The following DCAF17 variants were observed in gnomAD, a reference collection of about 807,000 sequenced individuals.
DCAF17 encodes DDB1- and CUL4-associated factor 17.
In DCAF17, 48 loss-of-function variants were observed where a neutral mutation model predicts 66.0. That is an observed-to-expected ratio of 0.73 (90% CI 0.58 to 0.92). The LOEUF is 0.92. Among genes scored for constraint, DCAF17 ranks in the 40% least tolerant of loss-of-function variants. DCAF17 has a pLI of 0.00. For missense variants in DCAF17, 562 were observed against 622.8 expected (o/e 0.90, Z 1.04); for synonymous variants, 206 against 214.6 (o/e 0.96, Z 0.35).
intron 9 of DCAF17, 35 bp from the exon 10 acceptor site, chr2:171,473,831 T>G: frequency 6.5e-7 from 1 of 1,531,128 alleles, no homozygotes; most frequent in Non-Finnish European, 9.0e-7. Flanking sequence ...GATTTTCCCT[T>G]AATCTTTGTC....
intron 8 of DCAF17, among the ~76,000 whole-genome samples, chr2:171,468,645 A>G (rs540385119): frequency 1.3e-5 from 2 of 152,294 alleles, no homozygotes; most frequent in East Asian, 3.9e-4. Context: ...CCTGCGGGCC[A>G]CATATACCTC....
intron 8 of DCAF17, among the ~76,000 whole-genome samples, chr2:171,463,869 G>A (rs1452585128): frequency 6.6e-6 from 1 of 152,150 alleles, no homozygotes; most frequent in Non-Finnish European, 1.5e-5. Context: ...CAAAAGGCAA[G>A]TTAAAGACTT....
chr2:171,447,210 G>A (rs747934448), intron 3 of DCAF17, among the ~76,000 whole-genome samples: 2 of 151,348 alleles, frequency 1.3e-5, no homozygotes, highest in Admixed American at 1.3e-4. Context: ...AAAAACACTA[G>A]CATACAAACA....
chr2:171,473,734 T>G (rs772346331), intron 9 of DCAF17, 132 bp from the exon 10 acceptor site: 40 of 725,320 alleles, frequency 5.5e-5, no homozygotes, highest in Non-Finnish European at 8.8e-5. Flanking sequence ...CCCTCAAATA[T>G]ATTCCACTTT....
rs1444484516 is a variant in DCAF17, at chr2:171,471,305, T to G, written c.981+2275T>G. 2.0e-5 allele frequency among the ~76,000 whole-genome samples: 3 copies of G among 152,204 alleles called. No homozygotes were observed. The East Asian group carries it at 5.8e-4, about 29-fold the overall frequency. Reference sequence around the variant, plus strand: ...TAAAAAAAATGTAAGCAGCCGAACTTAAGATTTCAGAAAATGTTTCATAGC... The same window carrying G: ...TAAAAAAAATGTAAGCAGCCGAACTGAAGATTTCAGAAAATGTTTCATAGC... On this transcript the variant is annotated intron_variant, in intron 9 of 13. Transcript: ENST00000375255.
In DCAF17 at chr2:171,484,082, T is replaced by G; in HGVS notation, c.*2968T>G. ...CATAAATTGACAGAAAATGTAGTTC[T>G]TCATTCAATGGTTAGCAGTCATTAA... On this transcript the variant is annotated 3_prime_UTR_variant, in exon 14 of 14. Coordinates refer to ENST00000375255, the MANE Select transcript of DCAF17 (RefSeq NM_025000.4). 2.2e-6 allele frequency: 1 copy of G among 454,086 alleles called. No homozygotes were observed. The highest frequency in any genetic ancestry group is 4.4e-6 in the Non-Finnish European group (1 of 226,780). The allele number at this position is 454,086 out of a possible 1,614,324, so 28.1% of individuals were successfully genotyped here.
In DCAF17 at chr2:171,458,468, A is replaced by G; in HGVS notation, c.829A>G (p.Lys277Glu). 6.2e-7 allele frequency: 1 copy of G among 1,612,512 alleles called. No homozygotes were observed. The highest frequency in any genetic ancestry group is 8.5e-7 in the Non-Finnish European group (1 of 1,178,582). The change falls in exon 8 of 14, where the codon AAA becomes GAA. Residue 277 changes from lysine (K) to glutamate (E), a missense_variant. Lys to Glu is a moderately conservative substitution (Grantham distance 56). Around this residue, in one of 3 missense-constraint regions of DCAF17, gnomAD observed 348 missense variants for 355.9 expected, o/e 0.98. Coordinates refer to ENST00000375255, the MANE Select transcript of DCAF17 (RefSeq NM_025000.4). Reference protein sequence around the residue: ...EAPFGIPCNIKITDMPPLLFE... With the variant: ...EAPFGIPCNIEITDMPPLLFE... ...TCCTTTTGGCATTCCTTGTAATATT[A>G]AAATCACAGGTATGGCTACTCTATA... is the stretch of plus-strand genomic sequence containing the variant.
At position 171,483,289 on chromosome 2, in the gene DCAF17, C is replaced by T; in HGVS notation, c.*2175C>T. On this transcript the variant is annotated 3_prime_UTR_variant, in exon 14 of 14. Transcript: ENST00000375255. ...TTTAATTCGAGACTCTAGCTACATG[C>T]CCACCTACTTAACAGGTACTAGTGA... 4.4e-6 allele frequency: 2 copies of T among 454,068 alleles called. No homozygotes were observed. Among genetic ancestry groups the T allele is most frequent in the Non-Finnish European group, 8.8e-6 (2 of 226,782 alleles). The allele number at this position is 454,068 out of a possible 1,614,324, so 28.1% of individuals were successfully genotyped here. A position where few individuals can be genotyped will look rare whatever the true frequency, so the allele number is the denominator to read the frequency against.
Position 171,482,362 on chromosome 2 carries a change from A to AT in DCAF17, c.*1258dup, listed in dbSNP as rs745661005. ...GGATGATTTATATTAAAATCTTTCC[A>AT]TTTTTTTTTTCAGTTTTGGCTTGAT... On this transcript the variant is annotated 3_prime_UTR_variant, in exon 14 of 14. Transcript: ENST00000375255. 1.7e-3 allele frequency: 723 copies of AT among 423,346 alleles called. 1 individual carries two copies. Among genetic ancestry groups the AT allele is most frequent in the Middle Eastern group, 2.2e-3 (3 of 1,340 alleles). The allele number at this position is 423,346 out of a possible 1,614,324, so 26.2% of individuals were successfully genotyped here. A position where few individuals can be genotyped will look rare whatever the true frequency, so the allele number is the denominator to read the frequency against.
rs557386554 is a variant in DCAF17 at position 171,464,808 on chromosome 2, TAACTC to T, written c.839-4078_839-4074del. On this transcript the variant is annotated intron_variant, in intron 8 of 13. Coordinates refer to ENST00000375255, the MANE Select transcript of DCAF17 (RefSeq NM_025000.4). ...TTTTTGATTATATTTGTATTTCTCT[TAACTC>T]ATACTGAGCTTCTTGATTTCTAATA... 5.9e-3 allele frequency among the ~76,000 whole-genome samples: 893 copies of T among 152,332 alleles called. 7 individuals carry two copies. The highest frequency in any genetic ancestry group is 0.017 in the African/African-American group (725 of 41,570).
Position 171,481,609 on chromosome 2 carries a change from C to A in DCAF17, c.*495C>A. 2.2e-6 allele frequency: 1 copy of A among 453,816 alleles called. No individual in the cohort carries two copies. 28.1% of individuals were successfully genotyped at this position (453,816 alleles called of 1,614,324 possible). ...GTTATGTGAGAACATTATTTTGAGCCCAAAATGTGTCATCACAGTTTTTAA... is the reference window on the plus strand; with the variant it reads ...GTTATGTGAGAACATTATTTTGAGCACAAAATGTGTCATCACAGTTTTTAA... On this transcript the variant is annotated 3_prime_UTR_variant, in exon 14 of 14. Transcript: ENST00000375255.
intron 5 of DCAF17, among the ~76,000 whole-genome samples, chr2:171,451,004 A>G (rs1228299665): frequency 4.0e-5 from 6 of 151,664 alleles, no homozygotes; most frequent in Non-Finnish European, 5.9e-5. Flanking sequence ...TTTCTGTAAT[A>G]TGGACTGGCA....
chr2:171,434,793 C>T (rs989321722), intron 1 of DCAF17, 90 bp downstream of exon 1: 12 of 1,386,814 alleles, frequency 8.7e-6, no homozygotes, highest in South Asian at 3.3e-5. Flanking sequence ...CGCGCTGGGG[C>T]CTCCCTTTAT....
intron 4 of DCAF17, among the ~76,000 whole-genome samples, chr2:171,449,310 C>A (rs1338023009): frequency 6.6e-6 from 1 of 152,064 alleles, no homozygotes; most frequent in East Asian, 1.9e-4. Context: ...GCCCAGCTGT[C>A]ATTTATCTTT....
chr2:171,456,687 A>T (rs1353386558), intron 6 of DCAF17, among the ~76,000 whole-genome samples: 1 of 150,758 alleles, frequency 6.6e-6, no homozygotes, highest in Non-Finnish European at 1.5e-5. Context: ...CCTTGTAGAG[A>T]TCTTTCACTT....
chr2:171,442,210 T>C (rs934692594), intron 2 of DCAF17, among the ~76,000 whole-genome samples: 4 of 152,220 alleles, frequency 2.6e-5, no homozygotes, highest in Non-Finnish European at 5.9e-5. Flanking sequence ...AATAAAATTA[T>C]CACCTGAAAA....
At position 171,483,451 on chromosome 2, in the gene DCAF17, C is replaced by G; in HGVS notation, c.*2337C>G. 2.2e-6 allele frequency: 1 copy of G among 454,112 alleles called. No individual in the cohort carries two copies. Among genetic ancestry groups the G allele is most frequent in the South Asian group, 1.6e-5 (1 of 64,478 alleles). The allele number at this position is 454,112 out of a possible 1,614,324, so 28.1% of individuals were successfully genotyped here. The stretch of plus-strand genomic sequence containing the variant: ...GCATTGCACTCCTGGATCTAAGTTT[C>G]TGCATTCTCAGAGCATCAATGCAGC... On this transcript the variant is annotated 3_prime_UTR_variant, in exon 14 of 14. Coordinates refer to ENST00000375255, the MANE Select transcript of DCAF17 (RefSeq NM_025000.4).
intron 2 of DCAF17, among the ~76,000 whole-genome samples, chr2:171,439,375 G>A (rs1239443162): frequency 6.6e-6 from 1 of 151,722 alleles, no homozygotes; most frequent in Admixed American, 6.6e-5. Flanking sequence ...TATTGCCCCA[G>A]CTTGGGAAGT....
At chr2:171,445,439 T>C (rs1476132790) in intron 3 of DCAF17, among the ~76,000 whole-genome samples, 1 of 152,106 alleles carries the variant, frequency 6.6e-6, no homozygotes, top group Non-Finnish European at 1.5e-5. Flanking sequence ...TTCTCACTTA[T>C]TTTTAAACAT....
Sources: allele counts gnomAD v4.1 joint callset (sites outside exome capture counted in the v4.1 genomes callset), GRCh38; gene constraint gnomAD v4.1.1; regional missense constraint gnomAD v4.1.1; transcripts MANE v1.5; gene names NCBI Gene and HGNC (gene_info 2026-07-23, HGNC 2026-07-21).